PARD3: variants seen among roughly 807,000 people sequenced by gnomAD.
PARD3 encodes the protein par-3 family cell polarity regulator.
Under a neutral mutation model 155.4 loss-of-function variants are expected in PARD3, and 75 were observed. The observed-to-expected ratio is 0.48, with a 90% CI of 0.40 to 0.58. The LOEUF (loss-of-function observed/expected upper bound fraction) is 0.58, where lower values mean the gene tolerates loss of function less well. Among genes scored for constraint, PARD3 ranks in the 20% least tolerant of loss-of-function variants. The pLI is 0.00. For synonymous variants in PARD3, 576 were observed against 610.5 expected (o/e 0.94, Z 0.83); for missense variants, 1,642 against 1,721.7 (o/e 0.95, Z 0.82).
At position 34,119,371 on chromosome 10, in the gene PARD3, T is replaced by A. The variant is rs114885266; in HGVS notation, c.3668+242A>T. Among the ~76,000 whole-genome samples the A allele has an allele frequency of 3.0e-3, 455 of 151,852 alleles. 1 individual carries two copies. The highest frequency in any genetic ancestry group is 0.01 in the African/African-American group (432 of 41,292). The stretch of plus-strand genomic sequence containing the variant: ...GAAGCCAGTACACGAGTCGCTTCAC[T>A]TTTTTAGGGAGCTTGTGGGTGAAAA... On this transcript the variant is annotated intron_variant, in intron 24 of 24. Coordinates refer to ENST00000374788, the MANE Select transcript of PARD3 (RefSeq NM_001184785.2).
chr10:34,181,790 C>T (rs1234583453), intron 22 of PARD3, among the ~76,000 whole-genome samples: 1 of 152,042 alleles, frequency 6.6e-6, no homozygotes, highest in Non-Finnish European at 1.5e-5. Flanking sequence ...GACCTCTATG[C>T]AAATGACTCT....
intron 22 of PARD3, among the ~76,000 whole-genome samples, chr10:34,212,916 G>C (rs1951825092): frequency 6.6e-6 from 1 of 152,134 alleles, no homozygotes; most frequent in South Asian, 2.1e-4. Context: ...TCTTCTCGAA[G>C]CCCCTTCATC....
intron 19 of PARD3, among the ~76,000 whole-genome samples, chr10:34,327,975 C>G (rs921210879): frequency 6.6e-6 from 1 of 152,088 alleles, no homozygotes; most frequent in Non-Finnish European, 1.5e-5. Flanking sequence ...GACAGCAAGT[C>G]CAGAGACTCC....
intron 2 of PARD3, among the ~76,000 whole-genome samples, chr10:34,674,483 T>TA (rs2093667150): frequency 6.9e-6 from 1 of 144,222 alleles, no homozygotes; most frequent in Non-Finnish European, 1.5e-5. Context: ...TCTTGATTTT[T>TA]TTTTTTTTTT....
intron 2 of PARD3, among the ~76,000 whole-genome samples, chr10:34,587,487 T>C (rs1454177870): frequency 6.6e-6 from 1 of 152,112 alleles, no homozygotes; most frequent in Non-Finnish European, 1.5e-5. Context: ...CAGAGTTAAA[T>C]ACCACCATTA....
rs1364090399 is a variant in PARD3 at position 34,175,646 on chromosome 10, C to A, written c.3420-44063G>T. Among the ~76,000 whole-genome samples the A allele has an allele frequency of 6.6e-5, 10 of 152,006 alleles. No individual in the cohort carries two copies. In the East Asian group the frequency reaches 1.9e-3, roughly 29 times the overall value. On this transcript the variant is annotated intron_variant, in intron 22 of 24. Coordinates refer to ENST00000374788, the MANE Select transcript of PARD3 (RefSeq NM_001184785.2). ...TTTATTTAGACATTCAAGTATCAGA[C>A]AATTTATAATAAATGAATGTTCTGG... is the stretch of plus-strand genomic sequence containing the variant.
At chr10:34,640,612 A>T (rs2092639481) in intron 2 of PARD3, among the ~76,000 whole-genome samples, 2 of 148,818 alleles carry the variant, frequency 1.3e-5, no homozygotes, top group Admixed American at 1.4e-4. Context: ...CAGGGGGCTG[A>T]AGCACGAGTT....
chr10:34,528,916 G>A (rs1409929005), intron 2 of PARD3, among the ~76,000 whole-genome samples: 2 of 152,152 alleles, frequency 1.3e-5, no homozygotes, highest in Admixed American at 1.3e-4. Context: ...TTCAAATGCA[G>A]AATGGAGACT....
chr10:34,438,128 C>T (rs142260109), intron 5 of PARD3, among the ~76,000 whole-genome samples: 8 of 152,160 alleles, frequency 5.3e-5, no homozygotes, highest in South Asian at 2.1e-4. Flanking sequence ...TACAGGCCAG[C>T]GGGGACAGAC....
chr10:34,509,322 T>C (rs1310398489), intron 3 of PARD3, among the ~76,000 whole-genome samples: 2 of 152,036 alleles, frequency 1.3e-5, no homozygotes, highest in East Asian at 3.9e-4. Flanking sequence ...CATCATTCCC[T>C]AAAAAGGTTC....
At chr10:34,352,217 G>A (rs1017802677) in intron 14 of PARD3, among the ~76,000 whole-genome samples, 1 of 152,120 alleles carries the variant, frequency 6.6e-6, no homozygotes, top group African/African-American at 2.4e-5. Flanking sequence ...TTCTCATATA[G>A]AGGCTATTTT....
At chr10:34,761,408 C>CA (rs1271152869) in intron 1 of PARD3, among the ~76,000 whole-genome samples, 2 of 151,866 alleles carry the variant, frequency 1.3e-5, no homozygotes, top group Non-Finnish European at 2.9e-5. Flanking sequence ...GAGACTCTGT[C>CA]AAAAAATAAA....
intron 1 of PARD3, among the ~76,000 whole-genome samples, chr10:34,755,267 C>T (rs1029299048): frequency 6.6e-6 from 1 of 151,702 alleles, no homozygotes; most frequent in Admixed American, 6.6e-5. Flanking sequence ...AAAAAATTAG[C>T]CGGGCGTGGT....
chr10:34,434,323 AGAGTATTTCAT>A (rs1157851351), intron 5 of PARD3, among the ~76,000 whole-genome samples: 5 of 152,206 alleles, frequency 3.3e-5, no homozygotes, highest in Non-Finnish European at 5.9e-5. Context: ...CCTCACACTT[AGAGTATTTCAT>A]GTGTTTTAGC....
At chr10:34,707,603 C>G (rs184029205) in intron 1 of PARD3, among the ~76,000 whole-genome samples, 2 of 152,198 alleles carry the variant, frequency 1.3e-5, no homozygotes, top group African/African-American at 2.4e-5. Flanking sequence ...CTATACACTA[C>G]GTTTTAGCCC....
chr10:34,384,272 C>T lies in PARD3; in HGVS notation c.891-18G>A. On this transcript the variant is annotated intron_variant, in intron 7 of 24. Transcript: ENST00000374788. ...CCAGGGTTCTGGAACATTAAGAATG[C>T]AAATGATTACACATGTAATATCTCC... is the stretch of plus-strand genomic sequence containing the variant. 2 of 1,608,462 alleles carry T rather than the reference C, an allele frequency of 1.2e-6. No homozygotes were observed. Among genetic ancestry groups the T allele is most frequent in the Non-Finnish European group, 8.5e-7 (1 of 1,176,718 alleles).
At chr10:34,175,967 A>T (rs1219125269) in intron 22 of PARD3, among the ~76,000 whole-genome samples, 1 of 152,234 alleles carries the variant, frequency 6.6e-6, no homozygotes, top group African/African-American at 2.4e-5. Context: ...TGGTGACTTC[A>T]GTCACTCAGC....
At chr10:34,129,410 C>G (rs60455124) in intron 23 of PARD3, among the ~76,000 whole-genome samples, 2,144 of 152,278 alleles carry the variant, frequency 0.014, 59 homozygotes, top group African/African-American at 0.047. Flanking sequence ...ACCTTGACCT[C>G]GCAAAGTGCT....
chr10:34,589,636 CAA>C (rs35357373), intron 2 of PARD3, among the ~76,000 whole-genome samples: 34,783 of 83,778 alleles, frequency 0.42, 5,040 homozygotes, highest in East Asian at 0.45. Context: ...AGTACATGTC[CAA>C]AAAAAAAAAA....
Sources: gnomAD v4.1 joint callset for allele counts (sites outside exome capture counted in the v4.1 genomes callset) on GRCh38, gnomAD v4.1.1 for gene constraint, MANE v1.5 for transcripts, NCBI Gene and HGNC (gene_info 2026-07-23, HGNC 2026-07-21) for gene names.